Variants in NRXN3 observed in about 807,000 individuals in gnomAD.
NRXN3 encodes neurexin III.
In NRXN3, 32 loss-of-function variants were observed where a neutral mutation model predicts 137.6. The ratio of observed to expected loss-of-function variants is 0.23; its 90% CI spans 0.18 to 0.31. The LOEUF is 0.31. NRXN3 is among the 10% of genes least tolerant of loss of function. The pLI, the probability that NRXN3 is intolerant of heterozygous loss-of-function variation, is 1.00. For missense variants in NRXN3, 1,574 were observed against 2,062.5 expected (o/e 0.76, Z 4.59); for synonymous variants, 798 against 784.5 (o/e 1.02, Z -0.29).
chr14:78,957,393 T>G, intron 11 of NRXN3, 32 bp downstream of exon 11: 3 of 1,585,478 alleles, frequency 1.9e-6, no homozygotes, highest in Non-Finnish European at 1.7e-6. Flanking sequence ...TTCGTCTGTC[T>G]TTTCTCTCAG....
intron 10 of NRXN3, among the ~76,000 whole-genome samples, chr14:78,828,058 C>G (rs1367380887): frequency 2.0e-5 from 3 of 152,128 alleles, no homozygotes; most frequent in African/African-American, 4.8e-5. Context: ...GTCGCAATTA[C>G]CTGCAGGCAG....
intron 15 of NRXN3, among the ~76,000 whole-genome samples, chr14:79,018,276 AAAAAAAAAAAAAAAAAAAAAG>A (rs1263409969): frequency 5.1e-5 from 3 of 58,310 alleles, no homozygotes; most frequent in South Asian, 4.6e-4. Flanking sequence ...AAAAAAAAAA[AAAAAAAAAAAAAAAAAAAAAG>A]AGAGAGAGCA....
chr14:78,912,258 A>G (rs2099240937), intron 10 of NRXN3, among the ~76,000 whole-genome samples: 1 of 150,918 alleles, frequency 6.6e-6, no homozygotes, highest in South Asian at 2.1e-4. Flanking sequence ...ACTCATCTCT[A>G]TTCTTTTATT....
intron 10 of NRXN3, among the ~76,000 whole-genome samples, chr14:78,881,541 T>G (rs1478001308): frequency 6.6e-6 from 1 of 151,524 alleles, no homozygotes; most frequent in Admixed American, 6.6e-5. Context: ...TGGTGGCATT[T>G]TGCCCCTGCT....
At chr14:78,949,062 T>C (rs1244624788) in intron 10 of NRXN3, among the ~76,000 whole-genome samples, 10 of 152,234 alleles carry the variant, frequency 6.6e-5, no homozygotes. Context: ...TACTTCTTTA[T>C]ATATGGTACT....
At chr14:78,309,728 C>A (rs1414978768) in intron 4 of NRXN3, among the ~76,000 whole-genome samples, 1 of 152,022 alleles carries the variant, frequency 6.6e-6, no homozygotes, top group East Asian at 1.9e-4. Context: ...TTATGATTTT[C>A]ATTTTGGATG....
intron 15 of NRXN3, among the ~76,000 whole-genome samples, chr14:79,162,760 C>T (rs1180889342): frequency 1.3e-5 from 2 of 151,796 alleles, no homozygotes; most frequent in African/African-American, 4.8e-5. Context: ...GCAAGGTGGG[C>T]CTGATTGTTA....
chr14:78,852,301 G>C (rs1255876909), intron 10 of NRXN3, among the ~76,000 whole-genome samples: 1 of 152,166 alleles, frequency 6.6e-6, no homozygotes, highest in Non-Finnish European at 1.5e-5. Flanking sequence ...TTTCCTGGTA[G>C]AGAGTGGTTT....
At chr14:79,092,541 A>G (rs1432537741) in intron 15 of NRXN3, among the ~76,000 whole-genome samples, 2 of 152,190 alleles carry the variant, frequency 1.3e-5, no homozygotes, top group Non-Finnish European at 2.9e-5. Context: ...AATGGTGTAT[A>G]CAGTCAACAT....
intron 10 of NRXN3, among the ~76,000 whole-genome samples, chr14:78,950,506 G>A (rs1254339843): frequency 1.3e-5 from 2 of 152,154 alleles, no homozygotes; most frequent in Admixed American, 6.5e-5. Context: ...TGGGCTGCCA[G>A]TGTTTGCTTT....
In NRXN3 at chr14:79,563,663, T is replaced by TA. The variant is rs5809943; in HGVS notation, c.3444+96277dup. Among the ~76,000 whole-genome samples, 876 of 142,194 alleles carry TA rather than the reference T, an allele frequency of 6.2e-3. 7 individuals are homozygous for TA. The highest frequency in any genetic ancestry group is 0.017 in the African/African-American group (668 of 38,222). The allele number at this position is 142,194 out of a possible 152,430, so 93.3% of individuals were successfully genotyped here. ...GGGATGAGCTTCCCACAAATAATGTTAAAAAAAAAAAAAAAAGGAGAAAGC... is the reference window on the plus strand; with the variant it reads ...GGGATGAGCTTCCCACAAATAATGTTAAAAAAAAAAAAAAAAAGGAGAAAGC... On this transcript the variant is annotated intron_variant, in intron 16 of 20. Transcript: ENST00000335750.
intron 19 of NRXN3, among the ~76,000 whole-genome samples, chr14:79,734,432 T>C (rs929810611): frequency 6.6e-6 from 1 of 152,218 alleles, no homozygotes; most frequent in African/African-American, 2.4e-5. Flanking sequence ...CAGATGTCCA[T>C]GCAGTCTCAC....
At chr14:78,433,655 G>C (rs1391788677) in intron 4 of NRXN3, among the ~76,000 whole-genome samples, 1 of 152,038 alleles carries the variant, frequency 6.6e-6, no homozygotes, top group Non-Finnish European at 1.5e-5. Context: ...CTTTTCTTGC[G>C]TGCATGCTCT....
chr14:79,006,677 T>TA (rs34905144), intron 15 of NRXN3, among the ~76,000 whole-genome samples: 3 of 152,180 alleles, frequency 2.0e-5, no homozygotes, highest in African/African-American at 4.8e-5. Flanking sequence ...TTCTATCCAT[T>TA]AAAAAATGTG....
chr14:79,341,767 G>A (rs1354015637), intron 15 of NRXN3, among the ~76,000 whole-genome samples: 1 of 152,114 alleles, frequency 6.6e-6, no homozygotes, highest in Non-Finnish European at 1.5e-5. Flanking sequence ...TGAAAGATAT[G>A]CTTTATAGTT....
intron 16 of NRXN3, among the ~76,000 whole-genome samples, chr14:79,609,631 A>G (rs1281412301): frequency 6.6e-6 from 1 of 152,180 alleles, no homozygotes; most frequent in Non-Finnish European, 1.5e-5. Context: ...ATTGATCCCT[A>G]TTTATCACTA....
intron 4 of NRXN3, among the ~76,000 whole-genome samples, chr14:78,552,858 A>C (rs896443608): frequency 6.6e-6 from 1 of 152,326 alleles, no homozygotes; most frequent in East Asian, 1.9e-4. Context: ...GAATAATTTG[A>C]ATGTTTCTAG....
chr14:79,696,479 T>C (rs1202471124), intron 18 of NRXN3, among the ~76,000 whole-genome samples: 1 of 151,904 alleles, frequency 6.6e-6, no homozygotes, highest in African/African-American at 2.4e-5. Flanking sequence ...TTTCTTCATA[T>C]GGAAAAGCAA....
Position 78,797,023 on chromosome 14 carries a change from C to T in NRXN3, c.2045-6597C>T, listed in dbSNP as rs180812738. Among the ~76,000 whole-genome samples the T allele has an allele frequency of 1.8e-3, 281 of 152,138 alleles. 1 individual carries two copies. Among genetic ancestry groups the T allele is most frequent in the African/African-American group, 6.4e-3 (264 of 41,490 alleles). On this transcript the variant is annotated intron_variant, in intron 8 of 20. Transcript: ENST00000335750. ...AAGCAGTCTCCAAGTCACACATATA[C>T]AACAGACAAAGGGCAAAAATCTAAC...
Sources: gnomAD v4.1 joint callset for allele counts (sites outside exome capture counted in the v4.1 genomes callset) on GRCh38, gnomAD v4.1.1 for gene constraint, MANE v1.5 for transcripts, NCBI Gene and HGNC (gene_info 2026-07-23, HGNC 2026-07-21) for gene names.